The following PACSIN2 variants were observed in gnomAD, a reference collection of about 807,000 sequenced individuals.
PACSIN2 encodes protein kinase C and casein kinase substrate in neurons 2.
In PACSIN2, 25 loss-of-function variants were observed where a neutral mutation model predicts 63.8. The ratio of observed to expected loss-of-function variants is 0.39; its 90% CI spans 0.29 to 0.55. The LOEUF is 0.55. Ranked by LOEUF, PACSIN2 falls within the 20% of genes least tolerant of loss-of-function variation. The pLI, the probability that PACSIN2 is intolerant of heterozygous loss-of-function variation, is 0.62. For missense variants in PACSIN2, 518 were observed against 646.9 expected, an observed-to-expected ratio of 0.80 and a Z score of 2.16; for synonymous variants, 255 against 256.2, an observed-to-expected ratio of 1.00 and a Z score of 0.05.
chr22:42,884,515 G>T lies in PACSIN2; in HGVS notation c.656C>A (p.Thr219Lys). 2 of 1,614,144 alleles carry T rather than the reference G, an allele frequency of 1.2e-6. No individual in the cohort carries two copies. Among genetic ancestry groups the T allele is most frequent in the Non-Finnish European group, 1.7e-6 (2 of 1,179,990 alleles). ...CTCCATGTTCTCCATGTACTGGGGT[G>T]TGCCCTGGTCGAGTTCCTTCAGGGA... is the stretch of plus-strand genomic sequence containing the variant. Reference protein sequence around the residue: ...EKSLKELDQGTPQYMENMEQV... With the variant: ...EKSLKELDQGKPQYMENMEQV... The change falls in exon 6 of 11, where the codon ACA (threonine) becomes AAA (lysine). Residue 219 changes from threonine (T) to lysine (K), a missense_variant. Thr to Lys is a moderately conservative substitution (Grantham distance 78, BLOSUM62 -1). Around this residue, in one of 2 missense-constraint regions of PACSIN2, gnomAD observed 507 missense variants for 612.3 expected, o/e 0.83. Transcript: ENST00000263246.
At chr22:42,909,128 G>A (rs937721555) in intron 2 of PACSIN2, among the ~76,000 whole-genome samples, 3 of 152,088 alleles carry the variant, frequency 2.0e-5, no homozygotes, top group African/African-American at 7.2e-5. Flanking sequence ...GCATCCAAGT[G>A]CAGCAACGTC....
intron 1 of PACSIN2, among the ~76,000 whole-genome samples, chr22:42,966,720 C>G (rs1920961773): frequency 6.6e-6 from 1 of 152,222 alleles, no homozygotes; most frequent in African/African-American, 2.4e-5. Context: ...ATCTAGATTT[C>G]TAGCACATCT....
intron 1 of PACSIN2, among the ~76,000 whole-genome samples, chr22:42,924,759 CTT>C (rs112807995): frequency 4.9e-5 from 7 of 142,440 alleles, no homozygotes; most frequent in Non-Finnish European, 7.7e-5. Context: ...GGTTTTTTTT[CTT>C]TTTTTTTTTT....
intron 1 of PACSIN2, among the ~76,000 whole-genome samples, chr22:42,935,305 CCT>C (rs879767665): frequency 2.6e-5 from 4 of 152,202 alleles, no homozygotes; most frequent in East Asian, 1.9e-4. Flanking sequence ...CTGCCTCCTC[CCT>C]GTTTCCCTTT....
intron 1 of PACSIN2, among the ~76,000 whole-genome samples, chr22:42,924,882 A>G (rs1040856389): frequency 2.1e-4 from 32 of 150,754 alleles, no homozygotes; most frequent in African/African-American, 7.1e-4. Context: ...TCAGCCTCCC[A>G]AGTAGCTGGG....
At chr22:42,902,464 A>T (rs1173795191) in intron 2 of PACSIN2, among the ~76,000 whole-genome samples, 11 of 152,214 alleles carry the variant, frequency 7.2e-5, no homozygotes, top group Admixed American at 7.2e-4. Flanking sequence ...TGCCAGGCAG[A>T]AAGAGGACAC....
rs565744751 is a variant in PACSIN2 at position 42,972,478 on chromosome 22, C to T, written c.-78+42543G>A. On this transcript the variant is annotated intron_variant, in intron 1 of 10. Coordinates refer to ENST00000263246, the MANE Select transcript of PACSIN2 (RefSeq NM_001184970.3). ...TATGACCCTGCCAAATCCCCCTCTC[C>T]GAGAAACACCCAAGAATCATCAATA... Among the ~76,000 whole-genome samples, 7 of 152,110 alleles carry T rather than the reference C, an allele frequency of 4.6e-5. No individual in the cohort carries two copies. The South Asian group carries it at 6.2e-4, about 14-fold the overall frequency.
intron 1 of PACSIN2, among the ~76,000 whole-genome samples, chr22:42,927,494 C>G (rs1932612396): frequency 2.0e-5 from 3 of 152,056 alleles, no homozygotes; most frequent in Non-Finnish European, 4.4e-5. Context: ...AGTGATCCAC[C>G]CATCTTGGCC....
chr22:43,009,672 G>A (rs913280487), intron 1 of PACSIN2, among the ~76,000 whole-genome samples: 1 of 152,036 alleles, frequency 6.6e-6, no homozygotes, highest in Admixed American at 6.6e-5. Flanking sequence ...CTCCATCCAC[G>A]CTCCTCCCCC....
At chr22:42,884,661 A>G (rs1929346219) in intron 5 of PACSIN2, 100 bp from the exon 6 acceptor site, 2 of 878,308 alleles carry the variant, frequency 2.3e-6, no homozygotes, top group Admixed American at 5.1e-5. Flanking sequence ...TTCCAAATGC[A>G]AAGAAAAAAC....
intron 1 of PACSIN2, among the ~76,000 whole-genome samples, chr22:42,995,428 T>G (rs1316534706): frequency 1.3e-5 from 2 of 152,164 alleles, no homozygotes; most frequent in Non-Finnish European, 2.9e-5. Flanking sequence ...ACAAATGTTG[T>G]TTCATTGCAC....
At chr22:42,981,487 G>T (rs1601600770) in intron 1 of PACSIN2, among the ~76,000 whole-genome samples, 1 of 64,112 alleles carries the variant, frequency 1.6e-5, no homozygotes, top group African/African-American at 8.4e-5. Flanking sequence ...AGGCGGCGGG[G>T]GGGGTCGGCC....
rs569241411 is a variant in PACSIN2 at position 42,972,065 on chromosome 22, G to C, written c.-78+42956C>G. On this transcript the variant is annotated intron_variant, in intron 1 of 10. Coordinates refer to ENST00000263246, the MANE Select transcript of PACSIN2 (RefSeq NM_001184970.3). ...TGACAATGGCGGTTTTGTCCAATGG[G>C]GGGGGGAAATGTGGGGAAAAGAAAG... 3.2e-4 allele frequency among the ~76,000 whole-genome samples: 48 copies of C among 152,332 alleles called. No individual in the cohort carries two copies. The South Asian group carries it at 3.3e-3, about 11-fold the overall frequency.
chr22:42,929,315 A>T (rs1024103177), intron 1 of PACSIN2, among the ~76,000 whole-genome samples: 3 of 152,260 alleles, frequency 2.0e-5, no homozygotes, highest in Non-Finnish European at 2.9e-5. Context: ...AGTCCTGCCC[A>T]CATACAGAGG....
intron 10 of PACSIN2, among the ~76,000 whole-genome samples, chr22:42,875,812 C>T (rs978885328): frequency 1.3e-5 from 2 of 152,112 alleles, no homozygotes; most frequent in African/African-American, 2.4e-5. Context: ...GCTGGGATTA[C>T]AGGCGTGAGC....
chr22:42,879,014 C>T lies in PACSIN2; in HGVS notation c.1028+34G>A, dbSNP rs199535946. 3.7e-4 allele frequency: 589 copies of T among 1,599,434 alleles called. 8 individuals are homozygous for T. The highest frequency in any genetic ancestry group is 1.5e-3 in the Middle Eastern group (8 of 5,492). On this transcript the variant is annotated intron_variant, in intron 8 of 10. Transcript: ENST00000263246. ...ATTGCCCAGGGCCCCCACCATGGAA[C>T]GGCCTCTTTTGGATGGAGGTGGCGC... is the stretch of plus-strand genomic sequence containing the variant.
rs1921922331 is a variant in PACSIN2 at position 42,979,446 on chromosome 22, CA to C, written c.-78+35574del. The stretch of plus-strand genomic sequence containing the variant: ...GGCTGAGGCATGGGAATCACTTGAA[CA>C]TGGGAGGTGGAGGTTGCAGTGAGCC... On this transcript the variant is annotated intron_variant, in intron 1 of 10. Transcript: ENST00000263246. Among the ~76,000 whole-genome samples the C allele has an allele frequency of 2.9e-5, 4 of 137,442 alleles. No individual in the cohort carries two copies. The South Asian group carries it at 9.0e-4, about 31-fold the overall frequency. 90.2% of individuals were successfully genotyped at this position (137,442 alleles called of 152,430 possible).
intron 1 of PACSIN2, among the ~76,000 whole-genome samples, chr22:42,943,590 G>A (rs1160676053): frequency 6.6e-6 from 1 of 152,146 alleles, no homozygotes; most frequent in Non-Finnish European, 1.5e-5. Flanking sequence ...GTCATGAAGA[G>A]GTGTTGCTTG....
chr22:42,976,101 C>T (rs1298537823), intron 1 of PACSIN2, among the ~76,000 whole-genome samples: 1 of 152,190 alleles, frequency 6.6e-6, no homozygotes, highest in Admixed American at 6.5e-5. Flanking sequence ...TCTTATTTTG[C>T]ATGTAGGAGA....
Sources: gnomAD v4.1 joint callset for allele counts (sites outside exome capture counted in the v4.1 genomes callset) on GRCh38, gnomAD v4.1.1 for gene constraint, gnomAD v4.1.1 regional missense constraint, MANE v1.5 for transcripts, NCBI Gene and HGNC (gene_info 2026-07-23, HGNC 2026-07-21) for gene names.